Variants in CSMD3 observed in about 807,000 individuals in gnomAD.
The protein encoded by CSMD3 is CUB and sushi domain-containing protein 3.
In CSMD3, 177 loss-of-function variants were observed where a neutral mutation model predicts 435.2. The observed-to-expected ratio is 0.41, with a 90% CI of 0.36 to 0.46. The LOEUF (loss-of-function observed/expected upper bound fraction) is 0.46, where lower values mean the gene tolerates loss of function less well. Among genes scored for constraint, CSMD3 ranks in the 20% least tolerant of loss-of-function variants. The probability of loss-of-function intolerance (pLI) is 0.34; values close to 1 mark genes in which losing one functional copy is unlikely to be tolerated. For missense variants in CSMD3, 4,265 were observed against 4,504.6 expected (o/e 0.95, Z 1.52); for synonymous variants, 1,656 against 1,520.5 (o/e 1.09, Z -2.07).
At chr8:112,982,527 C>A (rs1013695217) in intron 6 of CSMD3, among the ~76,000 whole-genome samples, 1 of 151,880 alleles carries the variant, frequency 6.6e-6, no homozygotes, top group African/African-American at 2.4e-5. Context: ...CAAAATGAAA[C>A]GTCACACACA....
chr8:113,076,570 A>T (rs2089345970), intron 5 of CSMD3, among the ~76,000 whole-genome samples: 1 of 152,086 alleles, frequency 6.6e-6, no homozygotes, highest in African/African-American at 2.4e-5. Flanking sequence ...CTTAATTAAG[A>T]TTACCCAGTA....
chr8:112,825,767 G>A (rs1430413485), intron 12 of CSMD3, among the ~76,000 whole-genome samples: 4 of 152,130 alleles, frequency 2.6e-5, no homozygotes, highest in African/African-American at 9.7e-5. Context: ...GAACACTCCT[G>A]TATAGGGTGT....
intron 48 of CSMD3, 72 bp from the exon 49 acceptor site, chr8:112,314,124 TTAGAA>T (rs1269892489): frequency 8.6e-7 from 1 of 1,157,424 alleles, no homozygotes; most frequent in African/African-American, 1.5e-5. Flanking sequence ...TTTTATATCT[TTAGAA>T]TAGTATTAAA....
chr8:112,660,745 A>C (rs2075360337), intron 17 of CSMD3, among the ~76,000 whole-genome samples: 1 of 152,242 alleles, frequency 6.6e-6, no homozygotes, highest in Admixed American at 6.5e-5. Context: ...TATGTGATAT[A>C]AATGTGCTCT....
At chr8:112,586,252 CAG>C (rs1830720470) in intron 23 of CSMD3, among the ~76,000 whole-genome samples, 1 of 150,998 alleles carries the variant, frequency 6.6e-6, no homozygotes, top group Admixed American at 6.6e-5. Context: ...TTTGTGAAAA[CAG>C]AAGTATAATG....
chr8:112,263,628 A>T lies in CSMD3; in HGVS notation c.9862+11T>A, dbSNP rs776875820. 1.9e-6 allele frequency: 3 copies of T among 1,612,072 alleles called. No individual in the cohort carries two copies. The highest frequency in any genetic ancestry group is 2.5e-6 in the Non-Finnish European group (3 of 1,178,810). On this transcript the variant is annotated intron_variant, in intron 61 of 70. Transcript: ENST00000297405. Reference sequence around the variant, plus strand: ...TTTTAAGTAACAGTTGTTAGTAGAAATCATACTTACGTAAGCACTGCGGTA... The same window carrying T: ...TTTTAAGTAACAGTTGTTAGTAGAATTCATACTTACGTAAGCACTGCGGTA...
At chr8:112,855,461 T>A (rs1045641823) in intron 11 of CSMD3, among the ~76,000 whole-genome samples, 2 of 152,242 alleles carry the variant, frequency 1.3e-5, no homozygotes, top group Admixed American at 1.3e-4. Context: ...GTAAAATCAA[T>A]CAGACAAATC....
intron 6 of CSMD3, among the ~76,000 whole-genome samples, chr8:112,977,323 G>C (rs182749903): frequency 5.3e-5 from 8 of 151,996 alleles, no homozygotes; most frequent in African/African-American, 1.7e-4. Flanking sequence ...AGTGGTATAT[G>C]TTTTTATACA....
At chr8:112,350,874 A>G (rs1225854764) in intron 40 of CSMD3, among the ~76,000 whole-genome samples, 1 of 152,120 alleles carries the variant, frequency 6.6e-6, no homozygotes, top group Non-Finnish European at 1.5e-5. Context: ...CAATAGATAT[A>G]CTGAGAAAAC....
intron 60 of CSMD3, among the ~76,000 whole-genome samples, chr8:112,264,853 A>C (rs2130400526): frequency 6.6e-6 from 1 of 152,242 alleles, no homozygotes; most frequent in East Asian, 1.9e-4. Context: ...ATTGGCCAAA[A>C]AATTTATAAA....
At chr8:113,285,384 C>T (rs2093639204) in intron 2 of CSMD3, among the ~76,000 whole-genome samples, 1 of 150,694 alleles carries the variant, frequency 6.6e-6, no homozygotes. Flanking sequence ...CTTCAGCCTC[C>T]TGAGTAGCTG....
chr8:112,944,539 AG>A (rs1389618248), intron 9 of CSMD3, among the ~76,000 whole-genome samples: 4 of 151,884 alleles, frequency 2.6e-5, no homozygotes, highest in African/African-American at 9.6e-5. Context: ...TTATTTCAGT[AG>A]TTTATATAAC....
chr8:112,348,059 A>T (rs1825823726), intron 40 of CSMD3, among the ~76,000 whole-genome samples: 2 of 152,244 alleles, frequency 1.3e-5, no homozygotes, highest in African/African-American at 4.8e-5. Flanking sequence ...AAGAAAACAG[A>T]ATAGAGTAAA....
chr8:113,084,698 C>T (rs538751037), intron 5 of CSMD3, among the ~76,000 whole-genome samples: 2 of 149,256 alleles, frequency 1.3e-5, no homozygotes, highest in Non-Finnish European at 3.0e-5. Context: ...CATCACACTA[C>T]CTGTTTTCAA....
chr8:112,348,814 TTATC>T (rs1239775771), intron 40 of CSMD3, among the ~76,000 whole-genome samples: 4 of 152,236 alleles, frequency 2.6e-5, no homozygotes, highest in East Asian at 1.9e-4. Context: ...AAATGATACT[TTATC>T]TACTAAAAAA....
At chr8:113,423,727 T>G (rs2094620719) in intron 1 of CSMD3, among the ~76,000 whole-genome samples, 1 of 151,870 alleles carries the variant, frequency 6.6e-6, no homozygotes, top group South Asian at 2.1e-4. Flanking sequence ...TAGGTCGTCT[T>G]TATGTTATGT....
chr8:113,241,508 G>T (rs1180810456), intron 3 of CSMD3, among the ~76,000 whole-genome samples: 4 of 150,974 alleles, frequency 2.6e-5, no homozygotes, highest in Non-Finnish European at 4.4e-5. Context: ...ACATTATATT[G>T]AACACTAGAT....
At chr8:112,787,498 G>A (rs1045708711) in intron 13 of CSMD3, among the ~76,000 whole-genome samples, 25 of 152,164 alleles carry the variant, frequency 1.6e-4, no homozygotes, top group African/African-American at 5.3e-4. Flanking sequence ...CATATTTGTC[G>A]CAGCACTATT....
At chr8:113,093,939 A>G (rs1018771776) in intron 5 of CSMD3, among the ~76,000 whole-genome samples, 1 of 152,092 alleles carries the variant, frequency 6.6e-6, no homozygotes, top group Non-Finnish European at 1.5e-5. Flanking sequence ...CCTTGACTTC[A>G]GCCAGTATTT....
Sources: allele counts gnomAD v4.1 joint callset (sites outside exome capture counted in the v4.1 genomes callset), GRCh38; gene constraint gnomAD v4.1.1; transcripts MANE v1.5; gene names NCBI Gene and HGNC (gene_info 2026-07-23, HGNC 2026-07-21).